STARD13: variants seen among roughly 807,000 people sequenced by gnomAD.
STARD13 encodes stAR-related lipid transfer protein 13.
STARD13 carries 62 observed loss-of-function variants against 106.4 expected under a neutral mutation model. The ratio of observed to expected loss-of-function variants is 0.58; its 90% CI spans 0.48 to 0.72. The LOEUF (loss-of-function observed/expected upper bound fraction) is 0.72, where lower values mean the gene tolerates loss of function less well. STARD13 is among the 30% of genes least tolerant of loss of function. The probability of loss-of-function intolerance (pLI) is 0.00; values close to 1 mark genes in which losing one functional copy is unlikely to be tolerated. For missense variants in STARD13, 1,387 were observed against 1,424.0 expected (o/e 0.97, Z 0.42); for synonymous variants, 565 against 553.0 (o/e 1.02, Z -0.31).
At chr13:33,509,638 C>A in the STARD13 span, among the ~76,000 whole-genome samples, 3 of 152,114 alleles carry the variant, frequency 2.0e-5, no homozygotes, top group Non-Finnish European at 4.4e-5. Context: ...AGGTTTGGAA[C>A]CAGGCTGATG....
At chr13:33,259,300 C>T (rs576471469) in intron 1 of STARD13, among the ~76,000 whole-genome samples, 1 of 152,208 alleles carries the variant, frequency 6.6e-6, no homozygotes, top group African/African-American at 2.4e-5. Context: ...TAGGGACTGA[C>T]AGTATCTTCT....
At chr13:33,506,656 A>G in the STARD13 span, among the ~76,000 whole-genome samples, 1 of 152,206 alleles carries the variant, frequency 6.6e-6, no homozygotes, top group South Asian at 2.1e-4. Flanking sequence ...ATTCATAGGT[A>G]AAAGATACAT....
At chr13:33,209,133 G>C (rs1292819974) in intron 1 of STARD13, among the ~76,000 whole-genome samples, 1 of 152,146 alleles carries the variant, frequency 6.6e-6, no homozygotes, top group Non-Finnish European at 1.5e-5. Context: ...GCATGGGTGG[G>C]GACCTCAGGA....
chr13:33,602,495 G>A, the STARD13 span, among the ~76,000 whole-genome samples: 1 of 152,182 alleles, frequency 6.6e-6, no homozygotes, highest in African/African-American at 2.4e-5. Flanking sequence ...GATATGATCT[G>A]ATTTTGCTAC....
At chr13:33,457,236 A>C in the STARD13 span, among the ~76,000 whole-genome samples, 1 of 152,268 alleles carries the variant, frequency 6.6e-6, no homozygotes, top group Admixed American at 6.5e-5. Flanking sequence ...AAGGTAATTC[A>C]GTCAGTAATG....
the STARD13 span, among the ~76,000 whole-genome samples, chr13:33,627,570 G>T: frequency 6.6e-6 from 1 of 151,892 alleles, no homozygotes; most frequent in Admixed American, 6.6e-5. Flanking sequence ...CTGGGAGGTG[G>T]AGGTTGCAGT....
the STARD13 span, among the ~76,000 whole-genome samples, chr13:33,475,318 T>C: frequency 6.6e-6 from 1 of 152,162 alleles, no homozygotes; most frequent in African/African-American, 2.4e-5. Context: ...AGAAGATATG[T>C]TATTATTGAC....
At chr13:33,335,566 C>A (rs900807815) in intron 1 of STARD13, among the ~76,000 whole-genome samples, 4 of 152,246 alleles carry the variant, frequency 2.6e-5, no homozygotes, top group African/African-American at 4.8e-5. Context: ...GCCTTGCACA[C>A]GCCACTTAAC....
chr13:33,455,924 CAG>C, the STARD13 span, among the ~76,000 whole-genome samples: 1 of 152,038 alleles, frequency 6.6e-6, no homozygotes. Context: ...AGCCTGGAGA[CAG>C]AGCAAGACTC....
At chr13:33,306,075 T>A (rs1216022695) in intron 1 of STARD13, among the ~76,000 whole-genome samples, 1 of 152,150 alleles carries the variant, frequency 6.6e-6, no homozygotes, top group Non-Finnish European at 1.5e-5. Context: ...GACTTCAAAC[T>A]ATACTACAAG....
At chr13:33,175,886 G>A (rs1884466779) in intron 1 of STARD13, among the ~76,000 whole-genome samples, 1 of 152,170 alleles carries the variant, frequency 6.6e-6, no homozygotes, top group Non-Finnish European at 1.5e-5. Context: ...GAGGTTATCT[G>A]CTGTTTGATT....
intron 4 of STARD13, among the ~76,000 whole-genome samples, chr13:33,131,441 T>C (rs1326283406): frequency 6.6e-6 from 1 of 152,018 alleles, no homozygotes; most frequent in Non-Finnish European, 1.5e-5. Context: ...TATGATTTTT[T>C]TTTTTCAGCT....
intron 2 of STARD13, among the ~76,000 whole-genome samples, chr13:33,167,296 G>T (rs1883432894): frequency 6.6e-6 from 1 of 152,168 alleles, no homozygotes; most frequent in Admixed American, 6.5e-5. Flanking sequence ...GAAGGAAAAC[G>T]TCGAGTTGGG....
intron 1 of STARD13, among the ~76,000 whole-genome samples, chr13:33,171,284 A>T (rs7329741): frequency 0.1 from 15,751 of 152,218 alleles, 1,000 homozygotes; most frequent in East Asian, 0.35. Context: ...TCTCATGGAA[A>T]ACCTGAGTGT....
chr13:33,559,427 T>C, the STARD13 span, among the ~76,000 whole-genome samples: 1 of 151,596 alleles, frequency 6.6e-6, no homozygotes, highest in Non-Finnish European at 1.5e-5. Flanking sequence ...TAAATATTGA[T>C]GTCTTTCCAA....
At chr13:33,235,701 C>A (rs547797300) in intron 1 of STARD13, among the ~76,000 whole-genome samples, 1 of 152,330 alleles carries the variant, frequency 6.6e-6, no homozygotes, top group Admixed American at 6.5e-5. Flanking sequence ...CCAAGGAAGT[C>A]TGGAAACCTC....
chr13:33,124,462 G>A (rs542644511), intron 7 of STARD13, among the ~76,000 whole-genome samples: 203 of 152,184 alleles, frequency 1.3e-3, no homozygotes, highest in African/African-American at 4.6e-3. Flanking sequence ...GCCTTTGCCG[G>A]CACACTGTTT....
intron 1 of STARD13, among the ~76,000 whole-genome samples, chr13:33,266,417 A>G (rs1890899523): frequency 6.6e-6 from 1 of 152,126 alleles, no homozygotes; most frequent in South Asian, 2.1e-4. Flanking sequence ...TTTTTGTCCT[A>G]TTTCTGCTCT....
At chr13:33,543,768 C>G in the STARD13 span, among the ~76,000 whole-genome samples, 1 of 152,178 alleles carries the variant, frequency 6.6e-6, no homozygotes, top group East Asian at 1.9e-4. Context: ...ATTAGTGTAG[C>G]TCTAGTAAAA....
Sources: allele counts gnomAD v4.1 joint callset (sites outside exome capture counted in the v4.1 genomes callset), GRCh38; gene constraint gnomAD v4.1.1; transcripts MANE v1.5; gene names NCBI Gene and HGNC (gene_info 2026-07-23, HGNC 2026-07-21).